The following IGSF21 variants were observed in gnomAD, a reference collection of about 807,000 sequenced individuals.
IGSF21 encodes immunoglobulin superfamily member 21.
In IGSF21, 28 loss-of-function variants were observed where a neutral mutation model predicts 46.8. The ratio of observed to expected loss-of-function variants is 0.60; its 90% CI spans 0.44 to 0.82. The LOEUF is 0.82. IGSF21 is among the 40% of genes least tolerant of loss of function. The probability of loss-of-function intolerance (pLI) is 0.00; values close to 1 mark genes in which losing one functional copy is unlikely to be tolerated. For synonymous variants in IGSF21, 284 were observed against 273.6 expected, an observed-to-expected ratio of 1.04 and a Z score of -0.38; for missense variants, 624 against 665.5, an observed-to-expected ratio of 0.94 and a Z score of 0.69.
At chr1:18,184,494 A>G (rs1387890537) in intron 1 of IGSF21, among the ~76,000 whole-genome samples, 1 of 152,090 alleles carries the variant, frequency 6.6e-6, no homozygotes, top group Non-Finnish European at 1.5e-5. Flanking sequence ...TTTTCCTCGA[A>G]TGAGATTCAA....
At chr1:18,160,687 C>T (rs2086611307) in intron 1 of IGSF21, among the ~76,000 whole-genome samples, 1 of 152,182 alleles carries the variant, frequency 6.6e-6, no homozygotes, top group African/African-American at 2.4e-5. Flanking sequence ...GTCATTATAA[C>T]CCACTGATGG....
chr1:18,220,909 G>A (rs1425461715), intron 1 of IGSF21, among the ~76,000 whole-genome samples: 1 of 152,194 alleles, frequency 6.6e-6, no homozygotes, highest in African/African-American at 2.4e-5. Flanking sequence ...GCTAGGCATG[G>A]GCCAGATCTC....
At chr1:18,199,897 C>G (rs1012802655) in intron 1 of IGSF21, among the ~76,000 whole-genome samples, 1 of 146,906 alleles carries the variant, frequency 6.8e-6, no homozygotes, top group Admixed American at 6.8e-5. Flanking sequence ...TCCCGGCCCC[C>G]CCCTACCCCC....
chr1:18,341,993 G>A (rs2085846223), intron 4 of IGSF21, among the ~76,000 whole-genome samples: 1 of 151,472 alleles, frequency 6.6e-6, no homozygotes, highest in Admixed American at 6.6e-5. Context: ...TTTCTGGTTG[G>A]TTTGTCTTTT....
At chr1:18,377,484 G>T in intron 9 of IGSF21, 53 bp downstream of exon 9, 2 of 1,450,392 alleles carry the variant, frequency 1.4e-6, no homozygotes, top group Non-Finnish European at 9.7e-7. Context: ...CTTTTGAGGC[G>T]CCAGAAAGCT....
intron 3 of IGSF21, among the ~76,000 whole-genome samples, chr1:18,303,775 G>A (rs1186280676): frequency 6.6e-6 from 1 of 152,202 alleles, no homozygotes; most frequent in Admixed American, 6.5e-5. Context: ...TAGCAACACA[G>A]AGAGAGGTGG....
At chr1:18,224,836 G>A (rs2356001) in intron 1 of IGSF21, among the ~76,000 whole-genome samples, 15,464 of 151,906 alleles carry the variant, frequency 0.1, 964 homozygotes, top group East Asian at 0.14. Flanking sequence ...AGGCCCAGGC[G>A]GGTGGATCAC....
chr1:18,377,751 T>C (rs2086298996), intron 9 of IGSF21, among the ~76,000 whole-genome samples: 1 of 152,204 alleles, frequency 6.6e-6, no homozygotes, highest in African/African-American at 2.4e-5. Context: ...CTAGCTTTCT[T>C]AGCTCAGAGC....
At chr1:18,252,044 C>CTTTTTTTT (rs1557608067) in intron 2 of IGSF21, among the ~76,000 whole-genome samples, 1 of 98,982 alleles carries the variant, frequency 1.0e-5, no homozygotes, top group Non-Finnish European at 2.1e-5. Flanking sequence ...CTGACCAAGG[C>CTTTTTTTT]GTTTTTTTTT....
At chr1:18,191,643 T>C (rs1297527337) in intron 1 of IGSF21, among the ~76,000 whole-genome samples, 2 of 149,960 alleles carry the variant, frequency 1.3e-5, no homozygotes, top group African/African-American at 4.9e-5. Flanking sequence ...GGCTTGCGGG[T>C]TGGGGAAGCC....
chr1:18,190,874 T>G (rs564312119), intron 1 of IGSF21, among the ~76,000 whole-genome samples: 217 of 152,186 alleles, frequency 1.4e-3, no homozygotes, highest in African/African-American at 5.0e-3. Context: ...AGGGGAGAGC[T>G]GGGTTACCCT....
chr1:18,350,013 G>A (rs189138077), intron 4 of IGSF21, among the ~76,000 whole-genome samples: 5 of 152,278 alleles, frequency 3.3e-5, no homozygotes, highest in East Asian at 1.9e-4. Context: ...CGATACAATC[G>A]TCAGCCCTGG....
Position 18,314,298 on chromosome 1 carries a change from T to TTTA in IGSF21, c.306-20594_306-20593insTTA, listed in dbSNP as rs1553162862. On this transcript the variant is annotated intron_variant, in intron 3 of 9. Coordinates refer to ENST00000251296, the MANE Select transcript of IGSF21 (RefSeq NM_032880.5). ...CATAGCCCAGTGGTTTTTTTTTTTTTAAACAAAGAAAATATCTAGTCTGTC... is the reference window on the plus strand; with the variant it reads ...CATAGCCCAGTGGTTTTTTTTTTTTTTTAAAACAAAGAAAATATCTAGTCTGTC... Among the ~76,000 whole-genome samples the TTTA allele has an allele frequency of 3.1e-3, 467 of 151,020 alleles. 3 individuals carry two copies. Among genetic ancestry groups the TTTA allele is most frequent in the Admixed American group, 9.1e-3 (138 of 15,196 alleles).
intron 1 of IGSF21, among the ~76,000 whole-genome samples, chr1:18,153,315 G>A (rs1250261387): frequency 1.3e-5 from 2 of 152,172 alleles, no homozygotes; most frequent in Admixed American, 6.5e-5. Flanking sequence ...ATCCACACAC[G>A]GCCCTAATGG....
intron 3 of IGSF21, among the ~76,000 whole-genome samples, chr1:18,296,677 C>T (rs766428963): frequency 1.3e-5 from 2 of 152,128 alleles, no homozygotes; most frequent in Non-Finnish European, 2.9e-5. Flanking sequence ...TACCAAGGTG[C>T]CAAATTTGAG....
chr1:18,128,924 G>C (rs1056726014), intron 1 of IGSF21, among the ~76,000 whole-genome samples: 3 of 152,070 alleles, frequency 2.0e-5, no homozygotes, highest in Admixed American at 6.5e-5. Context: ...AGCCTCCAGC[G>C]CTTGGGTGAG....
intron 2 of IGSF21, among the ~76,000 whole-genome samples, chr1:18,238,896 T>C (rs2084698023): frequency 6.6e-6 from 1 of 152,160 alleles, no homozygotes; most frequent in African/African-American, 2.4e-5. Flanking sequence ...AAGCGTGCAG[T>C]GAGATGGTCT....
chr1:18,107,853 A>C lies in IGSF21; in HGVS notation c.-276A>C. 2 of 160,022 alleles carry C rather than the reference A, an allele frequency of 1.2e-5. No homozygotes were observed. Among genetic ancestry groups the C allele is most frequent in the Non-Finnish European group, 2.7e-5 (2 of 73,784 alleles). 9.9% of individuals were successfully genotyped at this position (160,022 alleles called of 1,614,324 possible). Reference sequence around the variant, plus strand: ...GATCGGACTCTGGGCCGCGGTGGGCACCGCGCGCAGCTAGGGAGCCGAGAA... The same window carrying C: ...GATCGGACTCTGGGCCGCGGTGGGCCCCGCGCGCAGCTAGGGAGCCGAGAA... On this transcript the variant is annotated 5_prime_UTR_variant, in exon 1 of 10. Coordinates refer to ENST00000251296, the MANE Select transcript of IGSF21 (RefSeq NM_032880.5).
intron 2 of IGSF21, among the ~76,000 whole-genome samples, chr1:18,249,460 G>A (rs546193492): frequency 6.6e-6 from 1 of 152,280 alleles, no homozygotes; most frequent in African/African-American, 2.4e-5. Flanking sequence ...TTCACCAGAT[G>A]CAGAAGGTGA....
Sources: gnomAD v4.1 joint callset for allele counts (sites outside exome capture counted in the v4.1 genomes callset) on GRCh38, gnomAD v4.1.1 for gene constraint, MANE v1.5 for transcripts, NCBI Gene and HGNC (gene_info 2026-07-23, HGNC 2026-07-21) for gene names.